TRIP11: variants seen among roughly 807,000 people sequenced by gnomAD.
TRIP11 encodes the protein thyroid receptor-interacting protein 11.
TRIP11 carries 148 observed loss-of-function variants against 223.1 expected under a neutral mutation model. The ratio of observed to expected loss-of-function variants is 0.66; its 90% CI spans 0.58 to 0.76. The LOEUF (loss-of-function observed/expected upper bound fraction) is 0.76. Ranked by LOEUF, TRIP11 falls within the 30% of genes least tolerant of loss-of-function variation. The probability of loss-of-function intolerance (pLI) is 0.00; values close to 1 mark genes in which losing one functional copy is unlikely to be tolerated. For synonymous variants in TRIP11, 762 were observed against 772.6 expected, an observed-to-expected ratio of 0.99 and a Z score of 0.23; for missense variants, 2,043 against 2,222.0, an observed-to-expected ratio of 0.92 and a Z score of 1.62.
intron 4 of TRIP11, among the ~76,000 whole-genome samples, chr14:92,019,413 T>C (rs1480741625): frequency 2.0e-5 from 3 of 152,220 alleles, no homozygotes; most frequent in Admixed American, 6.5e-5. Context: ...CTCCAGGTCA[T>C]TTCTTATACA....
chr14:92,023,038 C>T (rs531806918), intron 3 of TRIP11, among the ~76,000 whole-genome samples: 22 of 152,148 alleles, frequency 1.4e-4, no homozygotes, highest in African/African-American at 4.6e-4. Flanking sequence ...TCAAATGTAG[C>T]TATATTTAAA....
At position 92,004,105 on chromosome 14, in the gene TRIP11, C is replaced by T. The variant is rs142078341; in HGVS notation, c.3871G>A (p.Val1291Ile). 31 of 1,614,086 alleles carry T rather than the reference C, an allele frequency of 1.9e-5. No homozygotes were observed. Among genetic ancestry groups the T allele is most frequent in the Non-Finnish European group, 2.4e-5 (28 of 1,180,046 alleles). ...LKNFGQELAQ[V>I]QHSIGQLCNT... ...CAAAGCTGCCCAATGCTGTGCTGAA[C>T]TTGTGCTAATTCCTGCCCAAAATTT... Residue 1291 changes from valine (V) to isoleucine (I), a missense_variant, in exon 11 of 21, where the codon GTT becomes ATT. Physicochemically the swap from Val to Ile is conservative, Grantham distance 29 (BLOSUM62 3). Transcript: ENST00000267622.
rs2056360985 is a variant in TRIP11 at position 91,968,440 on chromosome 14, C to A, written c.*1233G>T. The A allele has an allele frequency of 4.7e-6, 1 of 210,628 alleles. No individual in the cohort carries two copies. Among genetic ancestry groups the A allele is most frequent in the Non-Finnish European group, 9.6e-6 (1 of 103,952 alleles). The allele number at this position is 210,628 out of a possible 1,614,324, so 13.0% of individuals were successfully genotyped here. ...GTGATTTCACTGCCCTCAGTGGCCA[C>A]CGTGATAACAGTTGACTCTCGGATT... On this transcript the variant is annotated 3_prime_UTR_variant, in exon 21 of 21. Transcript: ENST00000267622.
chr14:91,973,970 G>GT (rs1205485152), intron 19 of TRIP11, among the ~76,000 whole-genome samples: 1 of 152,234 alleles, frequency 6.6e-6, no homozygotes, highest in Non-Finnish European at 1.5e-5. Flanking sequence ...TGAGGCTGCA[G>GT]TGAGCCAAGA....
chr14:91,996,332 T>C (rs910026465), intron 13 of TRIP11, among the ~76,000 whole-genome samples: 2 of 152,224 alleles, frequency 1.3e-5, no homozygotes, highest in Non-Finnish European at 1.5e-5. Context: ...TTTGAACAAA[T>C]GGCAGTCCTT....
Position 92,006,115 on chromosome 14 carries a change from A to G in TRIP11, c.1861T>C (p.Ser621Pro), listed in dbSNP as rs1261654267. The G allele has an allele frequency of 1.2e-6, 2 of 1,608,152 alleles. No homozygotes were observed. Among genetic ancestry groups the G allele is most frequent in the Non-Finnish European group, 1.7e-6 (2 of 1,178,252 alleles). ...TGCATTAACTCATTCCTTATTCTAG[A>G]AAGCTCCTCCTCATTTTGTCTAATA... ...EHIRQNEEEL[S>P]RIRNELMQSL... The change falls in exon 11 of 21, where the codon TCT (serine) becomes CCT (proline). Residue 621 changes from serine (S) to proline (P), a missense_variant. Transcript: ENST00000267622.
chr14:91,974,107 C>G (rs78053566), intron 19 of TRIP11, among the ~76,000 whole-genome samples: 5,494 of 152,284 alleles, frequency 0.036, 316 homozygotes, highest in African/African-American at 0.11. Flanking sequence ...AATTAATATT[C>G]ATCTAGAGCC....
rs536498903 is a variant in TRIP11, at chr14:92,037,076, A to C, written c.139+2471T>G. Among the ~76,000 whole-genome samples the C allele has an allele frequency of 6.6e-6, 1 of 152,336 alleles. No individual in the cohort carries two copies. The highest frequency in any genetic ancestry group is 1.9e-4 in the East Asian group (1 of 5,190). On this transcript the variant is annotated intron_variant, in intron 1 of 20. Transcript: ENST00000267622. This position sits in a 1 kb window ranked among gnomAD's most constrained non-coding sequence, Gnocchi z 4.2. ...AAAATCAATAAATTAGGTGTTAAGC[A>C]AGTCCGATTGAAATACAAAGGGGAA... is the stretch of plus-strand genomic sequence containing the variant.
intron 7 of TRIP11, among the ~76,000 whole-genome samples, chr14:92,013,969 G>A (rs1468668375): frequency 6.6e-6 from 1 of 152,174 alleles, no homozygotes; most frequent in Non-Finnish European, 1.5e-5. Context: ...CCTAACTGGA[G>A]GATGTGGGCT....
chr14:91,979,163 G>A (rs549288743), intron 16 of TRIP11, among the ~76,000 whole-genome samples: 124 of 151,686 alleles, frequency 8.2e-4, no homozygotes, highest in African/African-American at 2.9e-3. Context: ...AGGCTGAGGC[G>A]GGAGGATCGC....
chr14:92,009,638 AAG>A (rs1186573455), intron 9 of TRIP11, among the ~76,000 whole-genome samples: 2 of 152,214 alleles, frequency 1.3e-5, no homozygotes, highest in East Asian at 1.9e-4. Context: ...AGTGGGTAGA[AAG>A]AGTGGCAGCA....
intron 3 of TRIP11, 46 bp from the exon 4 acceptor site, chr14:92,021,877 T>A (rs1357216772): frequency 1.3e-6 from 2 of 1,587,586 alleles, no homozygotes; most frequent in Admixed American, 3.3e-5. Context: ...TTTAAAACAA[T>A]CATATTGACT....
In TRIP11 at chr14:92,021,645, T is replaced by C. The variant is rs755467642; in HGVS notation, c.499A>G (p.Ile167Val). 2.5e-6 allele frequency: 4 copies of C among 1,614,188 alleles called. No individual in the cohort carries two copies. In the Admixed American group the frequency reaches 6.7e-5, roughly 27 times the overall value. ...TTTATTTCTTGTTGGGATGAAATTA[T>C]ATCACCAAAGTCCATGTCATCGTCA... ...FHDDDMDFGDIISSQQEINRL... is the reference protein window; with the variant it reads ...FHDDDMDFGDVISSQQEINRL... The change falls in exon 4 of 21, where the codon ATA (isoleucine) becomes GTA (valine). Residue 167 changes from isoleucine to valine, a missense_variant. Transcript: ENST00000267622.
At chr14:92,035,361 AT>A (rs951061315) in intron 1 of TRIP11, among the ~76,000 whole-genome samples, 2 of 151,478 alleles carry the variant, frequency 1.3e-5, no homozygotes, top group South Asian at 2.1e-4. Flanking sequence ...CCAGAGTTAG[AT>A]TTTTTTTCTA....
At chr14:91,999,623 T>G (rs1410121007) in intron 12 of TRIP11, among the ~76,000 whole-genome samples, 190 bp from the exon 13 acceptor site, 1 of 152,248 alleles carries the variant, frequency 6.6e-6, no homozygotes, top group African/African-American at 2.4e-5. Flanking sequence ...GAAGCTTTAC[T>G]TCCCAGAATC....
At chr14:91,994,589 C>T (rs1468996370) in intron 14 of TRIP11, among the ~76,000 whole-genome samples, 5 of 152,166 alleles carry the variant, frequency 3.3e-5, no homozygotes, top group African/African-American at 7.2e-5. Context: ...TGAAGTAACA[C>T]AGAGGTACAA....
In TRIP11 at chr14:92,018,665, T is replaced by C. The variant is rs192198807; in HGVS notation, c.589-915A>G. 2.6e-4 allele frequency among the ~76,000 whole-genome samples: 40 copies of C among 152,236 alleles called. No individual in the cohort carries two copies. The East Asian group carries it at 7.7e-3, about 29-fold the overall frequency. Reference sequence around the variant, plus strand: ...GGCAATGGATTATATGACTTAAACTTTTAGTTTCCTAGGGCTGGGCACAGT... The same window carrying C: ...GGCAATGGATTATATGACTTAAACTCTTAGTTTCCTAGGGCTGGGCACAGT... On this transcript the variant is annotated intron_variant, in intron 4 of 20. Transcript: ENST00000267622.
chr14:92,022,612 CTT>C (rs2057128947), intron 3 of TRIP11, among the ~76,000 whole-genome samples: 1 of 152,120 alleles, frequency 6.6e-6, no homozygotes, highest in South Asian at 2.1e-4. Context: ...CACATCCATT[CTT>C]GTAAAAGATT....
At chr14:92,026,165 A>T (rs374587881) in intron 2 of TRIP11, among the ~76,000 whole-genome samples, 3 of 152,198 alleles carry the variant, frequency 2.0e-5, no homozygotes, top group African/African-American at 4.8e-5. Context: ...CTAAAATCTC[A>T]CATAATTTGC....
Sources: allele counts gnomAD v4.1 joint callset (sites outside exome capture counted in the v4.1 genomes callset), GRCh38; gene constraint gnomAD v4.1.1; non-coding constraint Gnocchi (gnomAD v3.1); transcripts MANE v1.5; gene names NCBI Gene and HGNC (gene_info 2026-07-23, HGNC 2026-07-21).